The following MAGI1 variants were observed in gnomAD, a reference collection of about 807,000 sequenced individuals.
MAGI1 encodes the protein membrane associated guanylate kinase, WW and PDZ domain containing 1, also known as membrane-associated guanylate kinase, WW and PDZ domain-containing protein 1.
Under a neutral mutation model 139.9 loss-of-function variants are expected in MAGI1, and 58 were observed. That is an observed-to-expected ratio of 0.41 (90% CI 0.34 to 0.52). The LOEUF is 0.52. Ranked by LOEUF, MAGI1 falls within the 20% of genes least tolerant of loss-of-function variation. The probability of loss-of-function intolerance (pLI) is 0.12; values close to 1 mark genes in which losing one functional copy is unlikely to be tolerated. For missense variants in MAGI1, 1,874 were observed against 1,901.6 expected (o/e 0.99, Z 0.27); for synonymous variants, 812 against 737.9 (o/e 1.10, Z -1.63).
chr3:65,664,721 C>T (rs927308769), intron 1 of MAGI1, among the ~76,000 whole-genome samples: 17 of 152,154 alleles, frequency 1.1e-4, no homozygotes, highest in African/African-American at 4.1e-4. Context: ...ATTGTAGTTG[C>T]CCAATGAGTA....
intron 12 of MAGI1, among the ~76,000 whole-genome samples, chr3:65,420,166 G>A (rs185288410): frequency 1.3e-5 from 2 of 152,188 alleles, no homozygotes; most frequent in Admixed American, 1.3e-4. Context: ...CCTTCACCGT[G>A]TGAATCTGGA....
intron 1 of MAGI1, among the ~76,000 whole-genome samples, chr3:66,029,366 A>G (rs1028877034): frequency 1.3e-5 from 2 of 152,218 alleles, no homozygotes; most frequent in African/African-American, 4.8e-5. Flanking sequence ...ATAAAGGAGT[A>G]AAGATTATCC....
intron 1 of MAGI1, among the ~76,000 whole-genome samples, chr3:65,762,979 C>T (rs888443173): frequency 6.6e-6 from 1 of 152,140 alleles, no homozygotes; most frequent in African/African-American, 2.4e-5. Context: ...GAAACAACAC[C>T]TGTTTCCCAA....
Position 65,401,467 on chromosome 3 carries a change from A to G in MAGI1, c.2171T>C (p.Leu724Pro). 1.3e-6 allele frequency: 2 copies of G among 1,592,650 alleles called. No individual in the cohort carries two copies. The highest frequency in any genetic ancestry group is 1.7e-6 in the Non-Finnish European group (2 of 1,167,908). ...CTTTGGGCTCTTCTTGGGAACTGGC[A>G]GCCCTGGAAAAAATGCAACAAGGAG... ...EVTLLVQRGG[L>P]PVPKKSPKSQ... The change falls in exon 13 of 23, where the codon CTG becomes CCG. Residue 724 changes from leucine (L) to proline (P), a missense_variant. Physicochemically the swap from Leu to Pro is moderately conservative, Grantham distance 98 (BLOSUM62 -3). Coordinates refer to ENST00000402939, the MANE Select transcript of MAGI1 (RefSeq NM_001033057.2).
At chr3:65,696,843 G>A (rs1015194445) in intron 1 of MAGI1, among the ~76,000 whole-genome samples, 3 of 152,024 alleles carry the variant, frequency 2.0e-5, no homozygotes, top group African/African-American at 2.4e-5. Context: ...AGCATCAGAA[G>A]CCCAGAACAC....
At chr3:65,868,424 C>T (rs2059804430) in intron 1 of MAGI1, among the ~76,000 whole-genome samples, 2 of 152,154 alleles carry the variant, frequency 1.3e-5, no homozygotes. Flanking sequence ...GGGTAGAGCG[C>T]AGATTCAAAA....
At chr3:65,483,304 T>A (rs1336510114) in intron 3 of MAGI1, among the ~76,000 whole-genome samples, 4 of 152,172 alleles carry the variant, frequency 2.6e-5, no homozygotes, top group Non-Finnish European at 5.9e-5. Context: ...CAGTCACCAG[T>A]GGTCTTCTTT....
chr3:65,984,340 T>C (rs1225586512), intron 1 of MAGI1, among the ~76,000 whole-genome samples: 2 of 152,158 alleles, frequency 1.3e-5, no homozygotes, highest in African/African-American at 4.8e-5. Context: ...TGGTGGTTAG[T>C]AGAAAGATGC....
chr3:66,025,846 GA>G, intron 1 of MAGI1, among the ~76,000 whole-genome samples: 1 of 152,134 alleles, frequency 6.6e-6, no homozygotes, highest in Middle Eastern at 3.4e-3. Flanking sequence ...GTTTAAATGA[GA>G]AAAAATTTAA....
chr3:65,903,135 C>T (rs1325695440), intron 1 of MAGI1, among the ~76,000 whole-genome samples: 2 of 152,110 alleles, frequency 1.3e-5, no homozygotes, highest in African/African-American at 4.8e-5. Context: ...ACTAGGACTA[C>T]TGGCACACAC....
chr3:65,651,737 G>C (rs1324775686), intron 1 of MAGI1, among the ~76,000 whole-genome samples: 1 of 152,014 alleles, frequency 6.6e-6, no homozygotes, highest in Non-Finnish European at 1.5e-5. Flanking sequence ...GGATCCAAGA[G>C]AGAATCCTTT....
chr3:65,774,031 C>T (rs181180034), intron 1 of MAGI1, among the ~76,000 whole-genome samples: 1 of 151,838 alleles, frequency 6.6e-6, no homozygotes, highest in East Asian at 1.9e-4. Context: ...CTACAGATTC[C>T]CATAATGCTA....
intron 1 of MAGI1, among the ~76,000 whole-genome samples, chr3:65,974,440 T>C (rs186053592): frequency 6.6e-6 from 1 of 151,996 alleles, no homozygotes; most frequent in East Asian, 1.9e-4. Flanking sequence ...GATGGATGCA[T>C]GGATTAACCA....
At chr3:65,427,390 A>G (rs1377593967) in intron 12 of MAGI1, among the ~76,000 whole-genome samples, 2 of 152,182 alleles carry the variant, frequency 1.3e-5, no homozygotes, top group Non-Finnish European at 1.5e-5. Context: ...ATTCATTACA[A>G]TATGGTTCTA....
chr3:65,885,748 C>T (rs1311911753), intron 1 of MAGI1, among the ~76,000 whole-genome samples: 2 of 152,248 alleles, frequency 1.3e-5, no homozygotes, highest in African/African-American at 4.8e-5. Context: ...ATGAGGCCTC[C>T]CCACCCATGT....
intron 2 of MAGI1, among the ~76,000 whole-genome samples, chr3:65,507,043 CAA>C (rs1387574502): frequency 6.6e-6 from 1 of 151,968 alleles, no homozygotes; most frequent in Non-Finnish European, 1.5e-5. Context: ...TCAAAGTAAA[CAA>C]GAGGAAATAC....
intron 1 of MAGI1, among the ~76,000 whole-genome samples, chr3:65,737,694 C>A (rs2034891695): frequency 6.6e-6 from 1 of 152,070 alleles, no homozygotes; most frequent in South Asian, 2.1e-4. Context: ...TGGGGTCAAA[C>A]CACAAAGGTC....
chr3:65,433,823 A>G (rs1434346603), intron 10 of MAGI1, among the ~76,000 whole-genome samples: 1 of 152,066 alleles, frequency 6.6e-6, no homozygotes, highest in Non-Finnish European at 1.5e-5. Context: ...ACTTCTTGAC[A>G]CTAGTGTTTA....
At chr3:65,572,524 C>A (rs1422390547) in intron 2 of MAGI1, among the ~76,000 whole-genome samples, 1 of 152,078 alleles carries the variant, frequency 6.6e-6, no homozygotes, top group African/African-American at 2.4e-5. Flanking sequence ...TCACAGACAT[C>A]TATCCTTCAA....
Sources: gnomAD v4.1 joint callset for allele counts (sites outside exome capture counted in the v4.1 genomes callset) on GRCh38, gnomAD v4.1.1 for gene constraint, MANE v1.5 for transcripts, NCBI Gene and HGNC (gene_info 2026-07-23, HGNC 2026-07-21) for gene names.